UNC5B: variants seen among roughly 807,000 people sequenced by gnomAD.
The protein encoded by UNC5B is unc-5 netrin receptor B.
In UNC5B, 56 loss-of-function variants were observed where a neutral mutation model predicts 103.7. The ratio of observed to expected loss-of-function variants is 0.54; its 90% CI spans 0.44 to 0.67. The LOEUF is 0.67. Ranked by LOEUF, UNC5B falls within the 30% of genes least tolerant of loss-of-function variation. UNC5B has a pLI of 0.00. For missense variants in UNC5B, 1,194 were observed against 1,284.5 expected, an observed-to-expected ratio of 0.93 and a Z score of 1.08; for synonymous variants, 577 against 542.0, an observed-to-expected ratio of 1.06 and a Z score of -0.90.
rs376941477 is a variant in UNC5B at position 71,291,445 on chromosome 10, C to T, written c.1308C>T (p.Leu436=). Residue 436 remains leucine, a synonymous_variant, in exon 10 of 17, where the codon CTC becomes CTT. Coordinates refer to ENST00000335350, the MANE Select transcript of UNC5B (RefSeq NM_170744.5). ...CTACTCCTGCAGGCAACCCGCAGCT[C>T]CTACACCCCTCTGTGCCTCCTGACC... ...FKTARPSNPQ[L]LHPSVPPDLT... 76 of 1,609,854 alleles carry T rather than the reference C, an allele frequency of 4.7e-5. No individual in the cohort carries two copies. Among genetic ancestry groups the T allele is most frequent in the Non-Finnish European group, 6.0e-5 (71 of 1,177,798 alleles).
intron 11 of UNC5B, 149 bp from the exon 12 acceptor site, chr10:71,293,256 G>T (rs1845312521): frequency 6.1e-6 from 5 of 818,596 alleles, no homozygotes; most frequent in Non-Finnish European, 8.9e-6. Flanking sequence ...TGCCTCCTTT[G>T]CCCCCATGAC....
intron 11 of UNC5B, 57 bp downstream of exon 11, chr10:71,292,611 C>T (rs1845295233): frequency 2.7e-6 from 4 of 1,472,640 alleles, no homozygotes; most frequent in Non-Finnish European, 2.8e-6. Context: ...TGCTGCCTGC[C>T]CACACGTGGC....
At chr10:71,270,087 C>T (rs1289209407) in intron 1 of UNC5B, among the ~76,000 whole-genome samples, 1 of 152,050 alleles carries the variant, frequency 6.6e-6, no homozygotes, top group East Asian at 1.9e-4. Flanking sequence ...CAGTGGCTCA[C>T]GCCTGTAATC....
At chr10:71,257,078 G>A (rs969445063) in intron 1 of UNC5B, among the ~76,000 whole-genome samples, 5 of 152,140 alleles carry the variant, frequency 3.3e-5, no homozygotes, top group Non-Finnish European at 5.9e-5. Context: ...AGCTGGCATC[G>A]ACCCTCCTGG....
chr10:71,224,710 A>C (rs1843526131), intron 1 of UNC5B, among the ~76,000 whole-genome samples: 1 of 152,186 alleles, frequency 6.6e-6, no homozygotes, highest in Non-Finnish European at 1.5e-5. Context: ...CATTAAAGGA[A>C]ATGGGCATGG....
chr10:71,212,928 A>C lies in UNC5B; in HGVS notation c.-58A>C. 2.4e-6 allele frequency: 3 copies of C among 1,227,840 alleles called. No individual in the cohort carries two copies. The highest frequency in any genetic ancestry group is 3.1e-6 in the Non-Finnish European group (3 of 977,070). 76.1% of individuals were successfully genotyped at this position (1,227,840 alleles called of 1,614,324 possible). A position where few individuals can be genotyped will look rare whatever the true frequency, so the allele number is the denominator to read the frequency against. On this transcript the variant is annotated 5_prime_UTR_variant, in exon 1 of 17. Coordinates refer to ENST00000335350, the MANE Select transcript of UNC5B (RefSeq NM_170744.5). Reference sequence around the variant, plus strand: ...GGCGGCGGCGGAGACGGCGGCGGCGAGACTGGGGCCAGGGAGACAGCCCTG... The same window carrying C: ...GGCGGCGGCGGAGACGGCGGCGGCGCGACTGGGGCCAGGGAGACAGCCCTG...
rs371336713 is a variant in UNC5B, at chr10:71,287,670, G to A, written c.806G>A (p.Arg269His). The change falls in exon 6 of 17, where the codon CGC becomes CAC. Residue 269 changes from arginine (R) to histidine (H), a missense_variant. Arg to His is a conservative substitution (Grantham distance 29). Coordinates refer to ENST00000335350, the MANE Select transcript of UNC5B (RefSeq NM_170744.5). ...SNRCGRGWQK[R>H]TRTCTNPAPL... ...CGCTGTGGCCGAGGCTGGCAGAAGC[G>A]CACCCGGACCTGCACCAACCCCGCT... The A allele has an allele frequency of 2.8e-5, 45 of 1,612,768 alleles. No homozygotes were observed. Among genetic ancestry groups the A allele is most frequent in the Middle Eastern group, 3.3e-4 (2 of 6,034 alleles).
At chr10:71,236,271 A>G (rs1366574694) in intron 1 of UNC5B, among the ~76,000 whole-genome samples, 2 of 152,204 alleles carry the variant, frequency 1.3e-5, no homozygotes, top group Non-Finnish European at 2.9e-5. Flanking sequence ...TGGGCAGTTG[A>G]GTTCCCCTCT....
At chr10:71,227,799 G>T (rs545450674) in intron 1 of UNC5B, among the ~76,000 whole-genome samples, 182 of 150,574 alleles carry the variant, frequency 1.2e-3, no homozygotes, top group African/African-American at 4.3e-3. Flanking sequence ...AACACTAAAG[G>T]TACTTTCAGT....
chr10:71,258,557 T>C (rs903700291), intron 1 of UNC5B, among the ~76,000 whole-genome samples: 3 of 152,038 alleles, frequency 2.0e-5, no homozygotes, highest in Non-Finnish European at 4.4e-5. Context: ...GAACCTCCAC[T>C]CCAGAGCACC....
chr10:71,290,806 A>C, intron 8 of UNC5B, 109 bp from the exon 9 acceptor site: 2 of 1,330,100 alleles, frequency 1.5e-6, no homozygotes, highest in Non-Finnish European at 2.0e-6. Context: ...GGAACTCAGC[A>C]CCGGGCCGGT....
At position 71,291,724 on chromosome 10, in the gene UNC5B, C is replaced by T. The variant is rs776369643; in HGVS notation, c.1587C>T (p.Leu529=). ...TCCTGCACCTGCGCAGCGCCAGCCT[C>T]GGTTCCCAGCAGCTCTTGGGCCTGC... is the stretch of plus-strand genomic sequence containing the variant. The part of the protein sequence containing the change: ...THFLHLRSAS[L]GSQQLLGLPR... The change falls in exon 10 of 17, where the codon CTC becomes CTT. Residue 529 remains leucine (L), a synonymous_variant. Transcript: ENST00000335350. The T allele has an allele frequency of 5.0e-5, 80 of 1,612,226 alleles. 1 individual carries two copies. The East Asian group carries it at 5.6e-4, about 11-fold the overall frequency.
intron 1 of UNC5B, among the ~76,000 whole-genome samples, chr10:71,272,141 C>G (rs1844660925): frequency 6.6e-6 from 1 of 152,200 alleles, no homozygotes; most frequent in South Asian, 2.1e-4. Context: ...AGCACATCAG[C>G]CACGCAGTGA....
At chr10:71,225,308 A>T (rs549818895) in intron 1 of UNC5B, among the ~76,000 whole-genome samples, 1 of 152,262 alleles carries the variant, frequency 6.6e-6, no homozygotes, top group Non-Finnish European at 1.5e-5. Flanking sequence ...CCTGCAGAAC[A>T]GTCCCTGGAC....
At chr10:71,236,937 G>A (rs1843786535) in intron 1 of UNC5B, among the ~76,000 whole-genome samples, 1 of 152,244 alleles carries the variant, frequency 6.6e-6, no homozygotes, top group South Asian at 2.1e-4. Flanking sequence ...TGCCCCTGAA[G>A]AGAACGCCCA....
At position 71,299,242 on chromosome 10, in the gene UNC5B, A is replaced by T. The variant is rs1404370757; in HGVS notation, c.2803A>T (p.Met935Leu). The change falls in exon 17 of 17, where the codon ATG (methionine) becomes TTG (leucine). Residue 935 changes from methionine to leucine, a missense_variant. Physicochemically the swap from Met to Leu is conservative, Grantham distance 15 (BLOSUM62 2). Transcript: ENST00000335350. Reference sequence around the variant, plus strand: ...CTTGGAGGAGATGGGCAAGAGTGAGATGCTGGTGGCTGTGGCCACCGACGG... The same window carrying T: ...CTTGGAGGAGATGGGCAAGAGTGAGTTGCTGGTGGCTGTGGCCACCGACGG... Reference protein sequence around the residue: ...SALEEMGKSEMLVAVATDGDC With the variant: ...SALEEMGKSELLVAVATDGDC 6.2e-7 allele frequency: 1 copy of T among 1,614,060 alleles called. No individual in the cohort carries two copies. The highest frequency in any genetic ancestry group is 1.7e-5 in the Admixed American group (1 of 60,006).
chr10:71,280,466 CAAT>C (rs1483536419), intron 2 of UNC5B, among the ~76,000 whole-genome samples: 1 of 152,126 alleles, frequency 6.6e-6, no homozygotes, highest in Admixed American at 6.5e-5. Flanking sequence ...TTTCCATTCA[CAAT>C]AATGATATGG....
At chr10:71,224,180 T>C (rs1432236847) in intron 1 of UNC5B, among the ~76,000 whole-genome samples, 1 of 151,964 alleles carries the variant, frequency 6.6e-6, no homozygotes, top group Non-Finnish European at 1.5e-5. Flanking sequence ...GCTGCAAATT[T>C]GATCCAGCCC....
At chr10:71,244,964 G>A (rs200092602) in intron 1 of UNC5B, among the ~76,000 whole-genome samples, 3 of 152,202 alleles carry the variant, frequency 2.0e-5, no homozygotes, top group South Asian at 2.1e-4. Context: ...GCCTGGCTCC[G>A]TGCAGTGCAT....
Sources: allele counts gnomAD v4.1 joint callset (sites outside exome capture counted in the v4.1 genomes callset), GRCh38; gene constraint gnomAD v4.1.1; transcripts MANE v1.5; gene names NCBI Gene and HGNC (gene_info 2026-07-23, HGNC 2026-07-21).